The following CNTNAP2 variants were observed in gnomAD, a reference collection of about 807,000 sequenced individuals.
The protein encoded by CNTNAP2 is contactin associated protein 2, also known as contactin-associated protein-like 2.
A neutral mutation model predicts 155.2 loss-of-function variants in CNTNAP2; 98 were observed. The observed-to-expected ratio is 0.63, with a 90% CI of 0.54 to 0.75. The LOEUF is 0.75. CNTNAP2 is among the 30% of genes least tolerant of loss of function. CNTNAP2 has a pLI of 0.00. For missense variants in CNTNAP2, 1,727 were observed against 1,688.1 expected, an observed-to-expected ratio of 1.02 and a Z score of -0.40; for synonymous variants, 651 against 631.2, an observed-to-expected ratio of 1.03 and a Z score of -0.47.
At chr7:146,140,502 A>G (rs575985725) in intron 1 of CNTNAP2, among the ~76,000 whole-genome samples, 1 of 152,290 alleles carries the variant, frequency 6.6e-6, no homozygotes, top group South Asian at 2.1e-4. Flanking sequence ...AAGACAGAGC[A>G]TTTAAAATAT....
intron 14 of CNTNAP2, among the ~76,000 whole-genome samples, chr7:147,920,778 A>G (rs1270387727): frequency 2.7e-5 from 4 of 146,840 alleles, no homozygotes; most frequent in Non-Finnish European, 6.0e-5. Flanking sequence ...CACCACTGCA[A>G]TTTCACGTAT....
intron 12 of CNTNAP2, among the ~76,000 whole-genome samples, chr7:147,631,296 A>G (rs1298918159): frequency 6.6e-6 from 1 of 152,166 alleles, no homozygotes; most frequent in Non-Finnish European, 1.5e-5. Context: ...AGATCTCTAC[A>G]AAGTTAACTA....
At chr7:146,501,412 A>G (rs1797298666) in intron 1 of CNTNAP2, among the ~76,000 whole-genome samples, 1 of 152,004 alleles carries the variant, frequency 6.6e-6, no homozygotes, top group Non-Finnish European at 1.5e-5. Flanking sequence ...CATATATGCT[A>G]ATTTTACCTT....
At chr7:146,599,267 A>T (rs1390068211) in intron 1 of CNTNAP2, among the ~76,000 whole-genome samples, 1 of 152,094 alleles carries the variant, frequency 6.6e-6, no homozygotes, top group Non-Finnish European at 1.5e-5. Flanking sequence ...TAATCATTCA[A>T]TATTAGAGAC....
chr7:148,035,211 G>A (rs940797515), intron 15 of CNTNAP2, among the ~76,000 whole-genome samples: 1 of 152,214 alleles, frequency 6.6e-6, no homozygotes, highest in East Asian at 1.9e-4. Context: ...ATGTAAAGGT[G>A]CTGCCAAGCA....
At chr7:146,327,340 A>G (rs189006895) in intron 1 of CNTNAP2, among the ~76,000 whole-genome samples, 112 of 152,334 alleles carry the variant, frequency 7.4e-4, no homozygotes, top group African/African-American at 2.6e-3. Flanking sequence ...TAAACATTAA[A>G]TTTACAAGAA....
chr7:146,782,182 A>T (rs1802503298), intron 2 of CNTNAP2: 1 of 152,098 alleles, frequency 6.6e-6, no homozygotes, highest in Admixed American at 6.6e-5. Flanking sequence ...AGTACTTTTT[A>T]AAATTTTCTC....
intron 14 of CNTNAP2, among the ~76,000 whole-genome samples, chr7:147,912,916 C>T (rs1800092753): frequency 6.6e-6 from 1 of 152,194 alleles, no homozygotes. Flanking sequence ...ACGGGAGCAT[C>T]GCTGTGGTCT....
At chr7:146,783,618 T>C (rs73170330) in intron 2 of CNTNAP2, among the ~76,000 whole-genome samples, 24,422 of 152,148 alleles carry the variant, frequency 0.16, 2,284 homozygotes, top group South Asian at 0.3. Context: ...GTATTGTTAT[T>C]TTTCAACCAT....
intron 8 of CNTNAP2, among the ~76,000 whole-genome samples, chr7:147,263,385 A>G (rs2116689810): frequency 6.6e-6 from 1 of 151,866 alleles, no homozygotes; most frequent in East Asian, 1.9e-4. Context: ...ATTAAAAAAA[A>G]AAAGTCACTT....
At chr7:146,524,959 G>A (rs1380373518) in intron 1 of CNTNAP2, among the ~76,000 whole-genome samples, 11 of 151,994 alleles carry the variant, frequency 7.2e-5, no homozygotes, top group Admixed American at 7.2e-4. Flanking sequence ...TTTTCCTGGA[G>A]TTTCTAAAAA....
Position 147,978,160 on chromosome 7 carries a change from A to G in CNTNAP2, c.2383+171A>G, listed in dbSNP as rs918919626. On this transcript the variant is annotated intron_variant, in intron 15 of 23. Transcript: ENST00000361727. ...GGAGGGGAACAGCCATAAAGCCTCC[A>G]GTACAGGAGCCGAGATTTGGGCATA... The G allele has an allele frequency of 1.5e-5, 13 of 876,796 alleles. No individual in the cohort carries two copies. The African/African-American group carries it at 2.0e-4, about 14-fold the overall frequency. 54.3% of individuals were successfully genotyped at this position (876,796 alleles called of 1,614,324 possible).
chr7:147,907,952 A>AT (rs1799994667), intron 14 of CNTNAP2, among the ~76,000 whole-genome samples: 1 of 139,382 alleles, frequency 7.2e-6, no homozygotes, highest in Non-Finnish European at 1.6e-5. Context: ...TTTTTTTTGT[A>AT]TTTTTAGTAG....
chr7:147,977,047 ATGAAG>A (rs1291740673), intron 14 of CNTNAP2, among the ~76,000 whole-genome samples: 3 of 152,146 alleles, frequency 2.0e-5, no homozygotes, highest in Non-Finnish European at 4.4e-5. Context: ...CTGATTTTCC[ATGAAG>A]GTGAAATCTG....
At chr7:147,688,875 C>A (rs1046081305) in intron 13 of CNTNAP2, among the ~76,000 whole-genome samples, 15 of 152,164 alleles carry the variant, frequency 9.9e-5, no homozygotes, top group African/African-American at 3.4e-4. Context: ...CCCTACTGTA[C>A]ACATGTCAGC....
At chr7:148,278,859 G>A (rs1168309888) in intron 21 of CNTNAP2, among the ~76,000 whole-genome samples, 2 of 152,240 alleles carry the variant, frequency 1.3e-5, no homozygotes, top group Admixed American at 6.5e-5. Context: ...CAATATTTAA[G>A]CAGTGGCCTT....
At chr7:148,155,929 G>A (rs759071660) in intron 17 of CNTNAP2, among the ~76,000 whole-genome samples, 8 of 152,154 alleles carry the variant, frequency 5.3e-5, no homozygotes, top group Non-Finnish European at 8.8e-5. Context: ...TTCCCACAAC[G>A]TGCAGGAGAA....
chr7:146,512,361 C>T (rs1338553507), intron 1 of CNTNAP2, among the ~76,000 whole-genome samples: 2 of 151,854 alleles, frequency 1.3e-5, no homozygotes, highest in African/African-American at 4.8e-5. Flanking sequence ...TTTCCAGTTT[C>T]TCTACATGTA....
At chr7:146,461,156 C>A (rs1036917887) in intron 1 of CNTNAP2, among the ~76,000 whole-genome samples, 6 of 152,086 alleles carry the variant, frequency 3.9e-5, no homozygotes, top group African/African-American at 1.4e-4. Flanking sequence ...GTAATCCCAG[C>A]ATTATGGGAG....
Sources: gnomAD v4.1 joint callset for allele counts (sites outside exome capture counted in the v4.1 genomes callset) on GRCh38, gnomAD v4.1.1 for gene constraint, MANE v1.5 for transcripts, NCBI Gene and HGNC (gene_info 2026-07-23, HGNC 2026-07-21) for gene names.